CSMD1: variants seen among roughly 807,000 people sequenced by gnomAD.
The protein encoded by CSMD1 is CUB and Sushi multiple domains 1.
Under a neutral mutation model 417.5 loss-of-function variants are expected in CSMD1, and 213 were observed. The ratio of observed to expected loss-of-function variants is 0.51; its 90% CI spans 0.46 to 0.57. The LOEUF (loss-of-function observed/expected upper bound fraction) is 0.57, where lower values mean the gene tolerates loss of function less well. Among genes scored for constraint, CSMD1 ranks in the 20% least tolerant of loss-of-function variants. The pLI is 0.00. For missense variants in CSMD1, 6,923 were observed against 4,529.7 expected (o/e 1.53, Z -15.17); for synonymous variants, 2,862 against 1,736.8 (o/e 1.65, Z -16.11).
At chr8:3,390,208 A>T (rs1023877527) in intron 17 of CSMD1, among the ~76,000 whole-genome samples, 4 of 151,866 alleles carry the variant, frequency 2.6e-5, no homozygotes, top group Non-Finnish European at 5.9e-5. Context: ...TATAAAAATT[A>T]GCCAGGTGTG....
At chr8:3,678,935 T>G (rs999981304) in intron 7 of CSMD1, among the ~76,000 whole-genome samples, 1 of 152,068 alleles carries the variant, frequency 6.6e-6, no homozygotes, top group African/African-American at 2.4e-5. Flanking sequence ...TCCAGCCAAA[T>G]TAAGCTTCAT....
intron 26 of CSMD1, among the ~76,000 whole-genome samples, chr8:3,254,136 C>A (rs1201972871): frequency 6.6e-6 from 1 of 152,124 alleles, no homozygotes; most frequent in South Asian, 2.1e-4. Flanking sequence ...ACTTAGGAAG[C>A]TTAGTTTGGC....
At chr8:3,121,000 C>G (rs1817171257) in intron 41 of CSMD1, among the ~76,000 whole-genome samples, 1 of 151,912 alleles carries the variant, frequency 6.6e-6, no homozygotes, top group African/African-American at 2.4e-5. Flanking sequence ...ACAGAAATCT[C>G]TATTATGAGC....
chr8:3,024,551 C>A (rs992736544), intron 51 of CSMD1, among the ~76,000 whole-genome samples: 4 of 152,214 alleles, frequency 2.6e-5, no homozygotes, highest in African/African-American at 9.7e-5. Flanking sequence ...AGGTGATCCA[C>A]TCGCCTTGGC....
chr8:3,422,830 G>A (rs1345277665), intron 12 of CSMD1, among the ~76,000 whole-genome samples: 9 of 152,174 alleles, frequency 5.9e-5, no homozygotes, highest in African/African-American at 2.2e-4. Flanking sequence ...GAAGGTTGGT[G>A]TCTGATGACA....
rs959539406 is a variant in CSMD1 at position 4,157,807 on chromosome 8, G to C, written c.416-125708C>G. Among the ~76,000 whole-genome samples the C allele has an allele frequency of 2.6e-5, 4 of 152,170 alleles. No individual in the cohort carries two copies. In the South Asian group the frequency reaches 8.3e-4, roughly 32 times the overall value. On this transcript the variant is annotated intron_variant, in intron 3 of 69. Transcript: ENST00000635120. ...CTGGGTGAACTTGCCCAGGGCCTTG[G>C]TCCAGCTTTAGTCAGTCTCCTATCC...
chr8:4,268,897 C>T (rs756439537), intron 3 of CSMD1, among the ~76,000 whole-genome samples: 1 of 152,138 alleles, frequency 6.6e-6, no homozygotes, highest in African/African-American at 2.4e-5. Flanking sequence ...CATAATGCAT[C>T]ATATACTCAT....
intron 3 of CSMD1, among the ~76,000 whole-genome samples, chr8:4,293,441 T>A (rs994103611): frequency 6.6e-6 from 1 of 152,208 alleles, no homozygotes; most frequent in African/African-American, 2.4e-5. Context: ...TTTAAAAAAA[T>A]TAATTACACT....
chr8:4,446,810 C>A (rs74476954), intron 2 of CSMD1, among the ~76,000 whole-genome samples: 2 of 139,392 alleles, frequency 1.4e-5, no homozygotes, highest in Admixed American at 7.1e-5. Context: ...TTTAGTAGAG[C>A]CAAGTTTTCT....
At chr8:4,297,401 T>G (rs531715326) in intron 3 of CSMD1, among the ~76,000 whole-genome samples, 2 of 152,250 alleles carry the variant, frequency 1.3e-5, no homozygotes, top group Admixed American at 1.3e-4. Context: ...TCATTTTTAT[T>G]GACTAAGAAG....
chr8:3,064,121 C>G (rs957754249), intron 49 of CSMD1, among the ~76,000 whole-genome samples: 1 of 152,178 alleles, frequency 6.6e-6, no homozygotes, highest in African/African-American at 2.4e-5. Context: ...CAAGCTGCCT[C>G]TTAGAGGACA....
In CSMD1 at chr8:4,002,702, A is replaced by G. The variant is rs117113781; in HGVS notation, c.611-4592T>C. Among the ~76,000 whole-genome samples the G allele has an allele frequency of 7.9e-3, 1,201 of 152,364 alleles. 8 individuals are homozygous for G. Among genetic ancestry groups the G allele is most frequent in the Non-Finnish European group, 0.011 (723 of 68,040 alleles). On this transcript the variant is annotated intron_variant, in intron 4 of 69. Transcript: ENST00000635120. ...CATTATCCCTGCAGTGTGGAGTGCT[A>G]CAAGGACCCAATATGATTAAATGTA...
intron 1 of CSMD1, among the ~76,000 whole-genome samples, chr8:4,798,978 C>T (rs1200312406): frequency 6.6e-6 from 1 of 152,190 alleles, no homozygotes; most frequent in Non-Finnish European, 1.5e-5. Flanking sequence ...CTTCTGCACG[C>T]CCACATCCTC....
chr8:3,695,960 C>T (rs1800530173), intron 7 of CSMD1, among the ~76,000 whole-genome samples: 1 of 152,164 alleles, frequency 6.6e-6, no homozygotes, highest in Admixed American at 6.5e-5. Context: ...CCAAAAACTA[C>T]ACTTGAAGAT....
intron 7 of CSMD1, among the ~76,000 whole-genome samples, chr8:3,705,922 G>C (rs1316487503): frequency 6.6e-6 from 1 of 152,200 alleles, no homozygotes; most frequent in Non-Finnish European, 1.5e-5. Context: ...CCTCATGTCA[G>C]CAATAGGCAT....
chr8:4,054,640 G>T (rs1330861646), intron 3 of CSMD1, among the ~76,000 whole-genome samples: 1 of 152,084 alleles, frequency 6.6e-6, no homozygotes, highest in African/African-American at 2.4e-5. Context: ...AAACACATAG[G>T]TAATGAACAG....
At chr8:4,035,636 T>C (rs1797577015) in intron 3 of CSMD1, among the ~76,000 whole-genome samples, 1 of 152,190 alleles carries the variant, frequency 6.6e-6, no homozygotes. Flanking sequence ...TAAAGAAATT[T>C]TAAATAGACA....
chr8:3,988,247 C>T (rs376070161), intron 5 of CSMD1, among the ~76,000 whole-genome samples: 1 of 152,160 alleles, frequency 6.6e-6, no homozygotes, highest in South Asian at 2.1e-4. Flanking sequence ...CCTCGGCTTT[C>T]TGGATCATCT....
At chr8:3,971,191 T>C (rs1272411110) in intron 5 of CSMD1, among the ~76,000 whole-genome samples, 2 of 152,160 alleles carry the variant, frequency 1.3e-5, no homozygotes, top group Non-Finnish European at 2.9e-5. Flanking sequence ...CAACACCAAA[T>C]GTCCTCTTCG....
Sources: gnomAD v4.1 joint callset for allele counts (sites outside exome capture counted in the v4.1 genomes callset) on GRCh38, gnomAD v4.1.1 for gene constraint, MANE v1.5 for transcripts, NCBI Gene and HGNC (gene_info 2026-07-23, HGNC 2026-07-21) for gene names.